Variants in GRM6 observed in about 807,000 individuals in gnomAD.
GRM6 encodes the protein glutamate metabotropic receptor 6.
In GRM6, 73 loss-of-function variants were observed where a neutral mutation model predicts 78.4. That is an observed-to-expected ratio of 0.93 (90% confidence interval 0.77 to 1.13). The LOEUF (loss-of-function observed/expected upper bound fraction) is 1.13, where lower values mean the gene tolerates loss of function less well. Ranked by LOEUF, GRM6 falls within the 50% of genes most tolerant of loss-of-function variation. The pLI is 0.00. For missense variants in GRM6, 1,251 were observed against 1,256.4 expected (o/e 1.00, Z 0.07); for synonymous variants, 580 against 555.0 (o/e 1.05, Z -0.63).
intron 6 of GRM6, 58 bp downstream of exon 6, chr5:178,989,207 C>A: frequency 4.3e-5 from 11 of 254,606 alleles, no homozygotes; most frequent in Non-Finnish European, 6.3e-5. Context: ...CCTTCCCCCT[C>A]CCCACCCTCA....
In GRM6 at chr5:178,992,097, A is replaced by G. The variant is rs1397532670; in HGVS notation, c.505-14T>C. On this transcript the variant is annotated splice_polypyrimidine_tract_variant and intron_variant, in intron 2 of 10. Transcript: ENST00000517717. This position sits in a 1 kb window ranked among gnomAD's most constrained non-coding sequence, Gnocchi z 4.9. ...GATCTGGGGTATCTGTGGGGCAGGAAGGACAGCTGGGCTGTGGATGGAGGT... is the reference window on the plus strand; with the variant it reads ...GATCTGGGGTATCTGTGGGGCAGGAGGGACAGCTGGGCTGTGGATGGAGGT... 6.3e-7 allele frequency: 1 copy of G among 1,598,374 alleles called. No individual in the cohort carries two copies. The highest frequency in any genetic ancestry group is 1.7e-5 in the Admixed American group (1 of 59,836).
intron 9 of GRM6, among the ~76,000 whole-genome samples, chr5:178,984,934 CTG>C (rs1275539219): frequency 2.0e-5 from 3 of 152,176 alleles, no homozygotes; most frequent in African/African-American, 7.2e-5. Flanking sequence ...CCCAAGCCAT[CTG>C]TCTCTCGTAC....
intron 6 of GRM6, 54 bp downstream of exon 6, chr5:178,989,211 A>AACCCCC: frequency 2.5e-5 from 3 of 121,720 alleles, no homozygotes; most frequent in Non-Finnish European, 4.0e-5. Context: ...CCCCCTCCCC[A>AACCCCC]CCCTCACCAC....
In GRM6 at chr5:178,994,584, C is replaced by T; in HGVS notation, c.361G>A (p.Gly121Ser). 2 of 1,340,198 alleles carry T rather than the reference C, an allele frequency of 1.5e-6. No homozygotes were observed. 83.0% of individuals were successfully genotyped at this position (1,340,198 alleles called of 1,614,324 possible). A position where few individuals can be genotyped will look rare whatever the true frequency, so the allele number is the denominator to read the frequency against. Residue 121 changes from glycine to serine, a missense_variant, in exon 2 of 11, where the codon GGC (glycine) becomes AGC (serine). Gly to Ser is a moderately conservative substitution (Grantham distance 56). Coordinates refer to ENST00000517717, the MANE Select transcript of GRM6 (RefSeq NM_000843.4). ...CGCACGCCCACCTCGTCGCCGTCGCCGCGGCCGCGGATCAGCGCCTGCACG... is the reference window on the plus strand; with the variant it reads ...CGCACGCCCACCTCGTCGCCGTCGCTGCGGCCGCGGATCAGCGCCTGCACG... ...SFVQALIRGRGDGDEVGVRCP... is the reference protein window; with the variant it reads ...SFVQALIRGRSDGDEVGVRCP...
rs147197426 is a variant in GRM6 at position 178,983,006 on chromosome 5, G to A, written c.2340C>T (p.Asn780=). Residue 780 remains asparagine (N), a synonymous_variant, in exon 10 of 11, where the codon AAC becomes AAT. Transcript: ENST00000517717. ...TGGTGAAGCCGATGGGCTTGGCCTCGTTGAAGGTCTCGGGCACGCCACGGG... is the reference window on the plus strand; with the variant it reads ...TGGTGAAGCCGATGGGCTTGGCCTCATTGAAGGTCTCGGGCACGCCACGGG... ...IKARGVPETF[N]EAKPIGFTMY... 827 of 1,613,958 alleles carry A rather than the reference G, an allele frequency of 5.1e-4. No homozygotes were observed. The highest frequency in any genetic ancestry group is 6.6e-4 in the Non-Finnish European group (783 of 1,179,916).
chr5:178,982,524 C>T (rs1263892025), intron 10 of GRM6, among the ~76,000 whole-genome samples: 1 of 125,702 alleles, frequency 8.0e-6, no homozygotes, highest in Non-Finnish European at 1.6e-5. Flanking sequence ...TTGCAGTGAG[C>T]CAAGATCACG....
intron 9 of GRM6, among the ~76,000 whole-genome samples, chr5:178,984,583 A>G (rs1019397860): frequency 6.6e-6 from 1 of 152,092 alleles, no homozygotes; most frequent in Non-Finnish European, 1.5e-5. Context: ...GGGGTCCCCA[A>G]CGGGGTCTAA....
intron 5 of GRM6, among the ~76,000 whole-genome samples, chr5:178,990,319 G>C (rs928040636): frequency 1.3e-5 from 2 of 152,314 alleles, no homozygotes; most frequent in Non-Finnish European, 2.9e-5. Context: ...GTCTTTGGCA[G>C]CACTAGAAAT....
intron 9 of GRM6, among the ~76,000 whole-genome samples, chr5:178,984,787 G>C (rs79615824): frequency 2.2e-4 from 33 of 152,090 alleles, no homozygotes; most frequent in African/African-American, 7.7e-4. Flanking sequence ...TGTGTGGAAC[G>C]AATAGAGAAG....
chr5:178,986,876 G>A lies in GRM6; in HGVS notation c.1462C>T (p.Gln488Ter), dbSNP rs748979061. 8.7e-6 allele frequency: 14 copies of A among 1,613,834 alleles called. No individual in the cohort carries two copies. The highest frequency in any genetic ancestry group is 1.2e-5 in the Non-Finnish European group (14 of 1,179,962). The stretch of plus-strand genomic sequence containing the variant: ...GTCTCTGCCCACTGGCCCACTGCCT[G>A]GTACCCGCCACTGCTGGCACTGCCA... ...TNGSASSGGY[Q>*]AVGQWAETLR... is the part of the protein sequence containing the mutation. Residue 488 changes from glutamine (Q) to a stop codon, truncating the protein, a stop_gained, in exon 8 of 11, where the codon CAG (glutamine) becomes TAG (stop). Coordinates refer to ENST00000517717, the MANE Select transcript of GRM6 (RefSeq NM_000843.4). LOFTEE classifies it high-confidence loss of function.
chr5:178,985,595 C>G lies in GRM6; in HGVS notation c.2124+535G>C, dbSNP rs188943932. Reference sequence around the variant, plus strand: ...GCGGGCGCCTGTAGTCCCAGCTACTCGGGAGGCTGAGGCAGGAGAATGGCG... The same window carrying G: ...GCGGGCGCCTGTAGTCCCAGCTACTGGGGAGGCTGAGGCAGGAGAATGGCG... On this transcript the variant is annotated intron_variant, in intron 9 of 10. Coordinates refer to ENST00000517717, the MANE Select transcript of GRM6 (RefSeq NM_000843.4). The G allele has an allele frequency of 6.3e-5, 22 of 347,182 alleles. No homozygotes were observed. In the East Asian group the frequency reaches 9.7e-4, roughly 15 times the overall value. 21.5% of individuals were successfully genotyped at this position (347,182 alleles called of 1,614,324 possible). A position where few individuals can be genotyped will look rare whatever the true frequency, so the allele number is the denominator to read the frequency against.
chr5:178,989,217 ACCACCCTCC>A lies in GRM6; in HGVS notation c.1153+39_1153+47del, dbSNP rs771320369. 1.3e-3 allele frequency: 1,239 copies of A among 957,484 alleles called. 5 individuals carry two copies. In the African/African-American group the frequency reaches 0.021, roughly 16 times the overall value. 59.3% of individuals were successfully genotyped at this position (957,484 alleles called of 1,614,324 possible). On this transcript the variant is annotated intron_variant, in intron 6 of 10. Coordinates refer to ENST00000517717, the MANE Select transcript of GRM6 (RefSeq NM_000843.4). ...TCCCGCCTTCCCCCTCCCCACCCTC[ACCACCCTCC>A]CCACCCTCCCCACCCTCACCACCCT...
intron 7 of GRM6, chr5:178,987,434 C>T (rs953735872): frequency 4.1e-5 from 19 of 457,948 alleles, no homozygotes; most frequent in African/African-American, 8.0e-5. Context: ...GAAGAATGGA[C>T]GAACACGACG....
chr5:178,994,790 G>T lies in GRM6; in HGVS notation c.155C>A (p.Ala52Glu). Reference sequence around the variant, plus strand: ...CAGCTGCCCGCACGCCCGGCCCGCCGCGCCCCGCGCGTGCACCGGGAACAG... The same window carrying T: ...CAGCTGCCCGCACGCCCGGCCCGCCTCGCCCCGCGCGTGCACCGGGAACAG... ...GGLFPVHARG[A>E]AGRACGQLKK... Residue 52 changes from alanine (A) to glutamate (E), a missense_variant, in exon 2 of 11, where the codon GCG becomes GAG. Transcript: ENST00000517717. 7.6e-7 allele frequency: 1 copy of T among 1,317,528 alleles called. No homozygotes were observed. The highest frequency in any genetic ancestry group is 9.7e-7 in the Non-Finnish European group (1 of 1,028,698). 81.6% of individuals were successfully genotyped at this position (1,317,528 alleles called of 1,614,324 possible).
chr5:178,991,674 G>C lies in GRM6; in HGVS notation c.722-115C>G. 1 of 1,325,002 alleles carries C rather than the reference G, an allele frequency of 7.5e-7. No individual in the cohort carries two copies. Among genetic ancestry groups the C allele is most frequent in the South Asian group, 1.2e-5 (1 of 84,900 alleles). The allele number at this position is 1,325,002 out of a possible 1,614,324, so 82.1% of individuals were successfully genotyped here. ...GAAGGGTCTGCAGGGGTGAAGTCTG[G>C]CCTGCACCCTCCGCCAAGCCTGAGG... is the stretch of plus-strand genomic sequence containing the variant. On this transcript the variant is annotated intron_variant, in intron 3 of 10. Coordinates refer to ENST00000517717, the MANE Select transcript of GRM6 (RefSeq NM_000843.4). The surrounding 1 kb of genome is among the most constrained non-coding windows in gnomAD (Gnocchi z 5.0).
chr5:178,984,410 T>C (rs764685423), intron 9 of GRM6, among the ~76,000 whole-genome samples: 1 of 152,146 alleles, frequency 6.6e-6, no homozygotes, highest in Non-Finnish European at 1.5e-5. Context: ...TGCAGGCGAA[T>C]TGAAGCCACA....
Position 178,981,534 on chromosome 5 carries a change from C to T in GRM6, c.*123G>A. ...CAAGGCCAGCCCCACCGACGCGGAG[C>T]ATGGTCTTGGCAAACTCCCTGCCAC... On this transcript the variant is annotated 3_prime_UTR_variant, in exon 11 of 11. Coordinates refer to ENST00000517717, the MANE Select transcript of GRM6 (RefSeq NM_000843.4). The surrounding 1 kb of genome is among the most constrained non-coding windows in gnomAD (Gnocchi z 5.1). 1.4e-6 allele frequency: 1 copy of T among 735,558 alleles called. No homozygotes were observed. The allele number at this position is 735,558 out of a possible 1,614,324, so 45.6% of individuals were successfully genotyped here.
rs940519458 is a variant in GRM6, at chr5:178,992,384, C to T, written c.505-301G>A. 4.9e-6 allele frequency: 2 copies of T among 404,138 alleles called. No individual in the cohort carries two copies. Among genetic ancestry groups the T allele is most frequent in the Non-Finnish European group, 9.0e-6 (2 of 221,646 alleles). 25.0% of individuals were successfully genotyped at this position (404,138 alleles called of 1,614,324 possible). A position where few individuals can be genotyped will look rare whatever the true frequency, so the allele number is the denominator to read the frequency against. ...CCACATATACTGGTACAAGCTGTGT[C>T]CTGAACAAGGACCCCCAGCAGAGGG... is the stretch of plus-strand genomic sequence containing the variant. On this transcript the variant is annotated intron_variant, in intron 2 of 10. Transcript: ENST00000517717. The surrounding 1 kb of genome is among the most constrained non-coding windows in gnomAD (Gnocchi z 4.9).
intron 5 of GRM6, among the ~76,000 whole-genome samples, 197 bp downstream of exon 5, chr5:178,990,395 G>A (rs955553435): frequency 3.3e-5 from 5 of 152,264 alleles, no homozygotes; most frequent in South Asian, 2.1e-4. Flanking sequence ...TGAGTGGAGC[G>A]TGCTTTCCTC....
Sources: allele counts gnomAD v4.1 joint callset (sites outside exome capture counted in the v4.1 genomes callset), GRCh38; gene constraint gnomAD v4.1.1; non-coding constraint Gnocchi (gnomAD v3.1); transcripts MANE v1.5; gene names NCBI Gene and HGNC (gene_info 2026-07-23, HGNC 2026-07-21).